Variants in ADAMTS3 observed in about 807,000 individuals in gnomAD.
ADAMTS3 encodes the protein ADAM metallopeptidase with thrombospondin type 1 motif 3.
Under a neutral mutation model 129.0 loss-of-function variants are expected in ADAMTS3, and 73 were observed. That is an observed-to-expected ratio of 0.57 (90% CI 0.47 to 0.69). The LOEUF is 0.69. Ranked by LOEUF, ADAMTS3 falls within the 30% of genes least tolerant of loss-of-function variation. ADAMTS3 has a pLI of 0.00. For synonymous variants in ADAMTS3, 477 were observed against 510.8 expected, an observed-to-expected ratio of 0.93 and a Z score of 0.89; for missense variants, 1,457 against 1,514.5, an observed-to-expected ratio of 0.96 and a Z score of 0.63.
intron 16 of ADAMTS3, among the ~76,000 whole-genome samples, chr4:72,305,400 C>T (rs944556879): frequency 9.2e-5 from 14 of 151,876 alleles, no homozygotes; most frequent in South Asian, 4.1e-4. Flanking sequence ...AATAAGGATA[C>T]GTACAGTATT....
At chr4:72,536,311 C>G (rs1721184347) in intron 3 of ADAMTS3, among the ~76,000 whole-genome samples, 1 of 152,074 alleles carries the variant, frequency 6.6e-6, no homozygotes, top group African/African-American at 2.4e-5. Flanking sequence ...GTTAAAGGAG[C>G]CATACATGAC....
At chr4:72,387,566 G>C (rs1210611313) in intron 4 of ADAMTS3, among the ~76,000 whole-genome samples, 2 of 152,158 alleles carry the variant, frequency 1.3e-5, no homozygotes, top group Admixed American at 1.3e-4. Context: ...ACACCTTTGG[G>C]GAAGGGAGTC....
intron 2 of ADAMTS3, among the ~76,000 whole-genome samples, chr4:72,551,813 G>A (rs141133091): frequency 7.4e-4 from 112 of 152,288 alleles, no homozygotes; most frequent in African/African-American, 2.5e-3. Flanking sequence ...TGAAGACCAT[G>A]CTCCTATGCT....
intron 3 of ADAMTS3, among the ~76,000 whole-genome samples, chr4:72,478,716 T>G (rs1719321328): frequency 6.6e-6 from 1 of 151,746 alleles, no homozygotes; most frequent in Non-Finnish European, 1.5e-5. Context: ...GAGAAGGAAA[T>G]AAAGGGTATT....
intron 4 of ADAMTS3, among the ~76,000 whole-genome samples, chr4:72,344,442 T>C (rs1720225404): frequency 6.6e-6 from 1 of 152,164 alleles, no homozygotes; most frequent in African/African-American, 2.4e-5. Flanking sequence ...ATTATAAGCA[T>C]ACTGTGATAG....
rs140436718 is a variant in ADAMTS3, at chr4:72,427,520, G to T, written c.505-12549C>A. Reference sequence around the variant, plus strand: ...AGGAATAGAGGTAAGGCACAAGAATGCATTTATCAGGGCTCTCTGCTGTAA... The same window carrying T: ...AGGAATAGAGGTAAGGCACAAGAATTCATTTATCAGGGCTCTCTGCTGTAA... On this transcript the variant is annotated intron_variant, in intron 3 of 21. Coordinates refer to ENST00000286657, the MANE Select transcript of ADAMTS3 (RefSeq NM_014243.3). Among the ~76,000 whole-genome samples, 13 of 152,126 alleles carry T rather than the reference G, an allele frequency of 8.5e-5. No homozygotes were observed. In the East Asian group the frequency reaches 1.6e-3, roughly 18 times the overall value.
At chr4:72,410,369 C>G (rs1219757568) in intron 4 of ADAMTS3, among the ~76,000 whole-genome samples, 2 of 152,154 alleles carry the variant, frequency 1.3e-5, no homozygotes, top group Admixed American at 6.6e-5. Context: ...ACACCAGCAA[C>G]ACAAGCACTC....
intron 20 of ADAMTS3, among the ~76,000 whole-genome samples, chr4:72,290,336 C>T (rs1450527335): frequency 6.6e-6 from 1 of 152,072 alleles, no homozygotes; most frequent in East Asian, 1.9e-4. Context: ...AAAGGTACCA[C>T]CTGGAAGGTG....
chr4:72,507,677 G>A (rs1001285731), intron 3 of ADAMTS3, among the ~76,000 whole-genome samples: 1 of 152,138 alleles, frequency 6.6e-6, no homozygotes, highest in Admixed American at 6.5e-5. Context: ...ACTATTTGTA[G>A]GGCACTGTTT....
chr4:72,308,621 C>T (rs746303727), intron 15 of ADAMTS3, among the ~76,000 whole-genome samples: 4 of 151,892 alleles, frequency 2.6e-5, no homozygotes, highest in Non-Finnish European at 4.4e-5. Flanking sequence ...TATTGAATAA[C>T]TGAATAGTAT....
At chr4:72,516,671 T>C (rs1459034664) in intron 3 of ADAMTS3, among the ~76,000 whole-genome samples, 1 of 152,196 alleles carries the variant, frequency 6.6e-6, no homozygotes, top group African/African-American at 2.4e-5. Flanking sequence ...GCTTGTGATT[T>C]TTGTACATTG....
In ADAMTS3 at chr4:72,477,187, G is replaced by A. The variant is rs570972683; in HGVS notation, c.505-62216C>T. Among the ~76,000 whole-genome samples the A allele has an allele frequency of 1.2e-3, 190 of 152,032 alleles. 1 individual carries two copies. The highest frequency in any genetic ancestry group is 4.5e-3 in the African/African-American group (185 of 41,474). On this transcript the variant is annotated intron_variant, in intron 3 of 21. Transcript: ENST00000286657. ...GATTGAACTCAGCTCTGTACCAAGC[G>A]GACCTAATAGACATTTACAGAACAC...
At chr4:72,464,333 G>GAGA (rs1718862058) in intron 3 of ADAMTS3, among the ~76,000 whole-genome samples, 1 of 151,882 alleles carries the variant, frequency 6.6e-6, no homozygotes, top group Non-Finnish European at 1.5e-5. Context: ...ATGGTTATAG[G>GAGA]TCTCCTCTGT....
chr4:72,296,999 C>T (rs1362747808), intron 18 of ADAMTS3, among the ~76,000 whole-genome samples: 2 of 152,030 alleles, frequency 1.3e-5, no homozygotes, highest in African/African-American at 4.8e-5. Flanking sequence ...TGATGAGATT[C>T]AAGGGATTCA....
chr4:72,304,503 A>AT (rs1334256033), intron 16 of ADAMTS3, among the ~76,000 whole-genome samples: 2 of 152,184 alleles, frequency 1.3e-5, no homozygotes, highest in Non-Finnish European at 2.9e-5. Context: ...TATTGCATAT[A>AT]TTTTTTAAAG....
Position 72,422,575 on chromosome 4 carries a change from G to T in ADAMTS3, c.505-7604C>A, listed in dbSNP as rs1722473750. 2.0e-5 allele frequency among the ~76,000 whole-genome samples: 3 copies of T among 152,016 alleles called. No homozygotes were observed. The South Asian group carries it at 6.2e-4, about 31-fold the overall frequency. On this transcript the variant is annotated intron_variant, in intron 3 of 21. Transcript: ENST00000286657. ...AACAATGATGTATGCTAAAAAGCCA[G>T]CTGCAAAATTCCCCTCATTTGGTCA...
At chr4:72,421,147 C>T (rs183385619) in intron 3 of ADAMTS3, among the ~76,000 whole-genome samples, 6 of 152,344 alleles carry the variant, frequency 3.9e-5, no homozygotes, top group African/African-American at 1.4e-4. Context: ...TAAGGCCCTC[C>T]ATGTCCTAGC....
chr4:72,351,537 G>A (rs946143654), intron 4 of ADAMTS3, among the ~76,000 whole-genome samples: 1 of 146,068 alleles, frequency 6.8e-6, no homozygotes, highest in Non-Finnish European at 1.5e-5. Context: ...TTAAGGTTGA[G>A]TAGCATTTAG....
At chr4:72,492,832 T>C (rs1033883399) in intron 3 of ADAMTS3, among the ~76,000 whole-genome samples, 1 of 151,902 alleles carries the variant, frequency 6.6e-6, no homozygotes, top group Non-Finnish European at 1.5e-5. Context: ...TGTATTGCTG[T>C]CAATTTCTGC....
Sources: gnomAD v4.1 joint callset for allele counts (sites outside exome capture counted in the v4.1 genomes callset) on GRCh38, gnomAD v4.1.1 for gene constraint, MANE v1.5 for transcripts, NCBI Gene and HGNC (gene_info 2026-07-23, HGNC 2026-07-21) for gene names.